Variants in GNAI3 observed in about 807,000 individuals in gnomAD.
The protein encoded by GNAI3 is G protein subunit alpha i3, also known as guanine nucleotide-binding protein G(i) subunit alpha-3.
In GNAI3, 12 loss-of-function variants were observed where a neutral mutation model predicts 41.8. That is an observed-to-expected ratio of 0.29 (90% CI 0.18 to 0.47). GNAI3 has a LOEUF of 0.47. GNAI3 is among the 20% of genes least tolerant of loss of function. The pLI is 1.00. For synonymous variants in GNAI3, 132 were observed against 146.5 expected (o/e 0.90, Z 0.71); for missense variants, 360 against 429.6 (o/e 0.84, Z 1.43).
At chr1:109,578,464 C>G (rs1223650454) in intron 3 of GNAI3, among the ~76,000 whole-genome samples, 1 of 119,992 alleles carries the variant, frequency 8.3e-6, no homozygotes, top group Admixed American at 9.1e-5. Flanking sequence ...GAGCGAAACT[C>G]CGTCTCAAAA....
At chr1:109,583,559 C>A (rs1648950351) in intron 5 of GNAI3, among the ~76,000 whole-genome samples, 1 of 151,618 alleles carries the variant, frequency 6.6e-6, no homozygotes, top group Non-Finnish European at 1.5e-5. Context: ...TATTCTAATA[C>A]AAATAACTTT....
intron 1 of GNAI3, among the ~76,000 whole-genome samples, chr1:109,555,234 A>G (rs910123822): frequency 6.6e-6 from 1 of 152,236 alleles, no homozygotes; most frequent in African/African-American, 2.4e-5. Context: ...AAGCAAGACT[A>G]AGCAAAAAGA....
In GNAI3 at chr1:109,557,899, T is replaced by C. The variant is rs548429773; in HGVS notation, c.118+9061T>C. 2.6e-5 allele frequency among the ~76,000 whole-genome samples: 4 copies of C among 152,224 alleles called. No individual in the cohort carries two copies. The South Asian group carries it at 8.3e-4, about 32-fold the overall frequency. Reference sequence around the variant, plus strand: ...TGACCCTTTCAAGGACTGGAGTAGGTCAAATTCTCTATTAAATGCATGGCC... The same window carrying C: ...TGACCCTTTCAAGGACTGGAGTAGGCCAAATTCTCTATTAAATGCATGGCC... On this transcript the variant is annotated intron_variant, in intron 1 of 8. Coordinates refer to ENST00000369851, the MANE Select transcript of GNAI3 (RefSeq NM_006496.4).
At position 109,567,371 on chromosome 1, in the gene GNAI3, G is replaced by T. The variant is rs187825096; in HGVS notation, c.119-6366G>T. The stretch of plus-strand genomic sequence containing the variant: ...CCCTGGAATAACTGCTATCTCAGGT[G>T]GTAGTGGTGCAGAGAGACCTGTGAG... On this transcript the variant is annotated intron_variant, in intron 1 of 8. Coordinates refer to ENST00000369851, the MANE Select transcript of GNAI3 (RefSeq NM_006496.4). Among the ~76,000 whole-genome samples, 4 of 152,334 alleles carry T rather than the reference G, an allele frequency of 2.6e-5. No homozygotes were observed. In the East Asian group the frequency reaches 7.7e-4, roughly 29 times the overall value.
Position 109,568,079 on chromosome 1 carries a change from TAGC to T in GNAI3, c.119-5655_119-5653del, listed in dbSNP as rs550059671. 5.7e-3 allele frequency among the ~76,000 whole-genome samples: 869 copies of T among 152,264 alleles called. 9 individuals carry two copies. The highest frequency in any genetic ancestry group is 0.02 in the African/African-American group (812 of 41,538). ...ATATGTGATAATGGTTTATTTGTTT[TAGC>T]AGTTCCAAATTCCAATCACTTGGGG... is the stretch of plus-strand genomic sequence containing the variant. On this transcript the variant is annotated intron_variant, in intron 1 of 8. Transcript: ENST00000369851.
In GNAI3 at chr1:109,548,620, A is replaced by C; in HGVS notation, c.-101A>C. ...TTCTGGGCGCTAAGGGAGCTGACGG[A>C]GAGGGCCACCGCCCAGCAATAGACG... On this transcript the variant is annotated 5_prime_UTR_variant, in exon 1 of 9. Coordinates refer to ENST00000369851, the MANE Select transcript of GNAI3 (RefSeq NM_006496.4). The C allele has an allele frequency of 1.3e-6, 1 of 744,386 alleles. No individual in the cohort carries two copies. The highest frequency in any genetic ancestry group is 2.3e-6 in the Non-Finnish European group (1 of 435,520). 46.1% of individuals were successfully genotyped at this position (744,386 alleles called of 1,614,324 possible).
At position 109,595,880 on chromosome 1, in the gene GNAI3, G is replaced by A. The variant is rs1048045858; in HGVS notation, c.*3558G>A. 6.0e-5 allele frequency: 9 copies of A among 150,862 alleles called. No individual in the cohort carries two copies. Among genetic ancestry groups the A allele is most frequent in the East Asian group, 5.8e-4 (3 of 5,152 alleles). The allele number at this position is 150,862 out of a possible 1,614,324, so 9.3% of individuals were successfully genotyped here. On this transcript the variant is annotated 3_prime_UTR_variant, in exon 9 of 9. Transcript: ENST00000369851. ...CTACTCATTTGTATAAACCTAAAAC[G>A]TCACTGTTTTCCTTGAGCGTTAGTA...
rs759955097 is a variant in GNAI3, at chr1:109,582,497, T to C, written c.522T>C (p.Val174=). ...QSNYIPTQQD[V]LRTRVKTTGI... ...ACTACATTCCAACTCAGCAAGATGT[T>C]CTTCGGACGAGAGTGAAGACCACAG... Residue 174 remains valine (V), a synonymous_variant, in exon 5 of 9, where the codon GTT becomes GTC. Transcript: ENST00000369851. The C allele has an allele frequency of 1.3e-6, 2 of 1,598,380 alleles. No individual in the cohort carries two copies. The highest frequency in any genetic ancestry group is 3.3e-5 in the Admixed American group (2 of 59,990).
chr1:109,571,283 T>G (rs1181379797), intron 1 of GNAI3, among the ~76,000 whole-genome samples: 1 of 152,156 alleles, frequency 6.6e-6, no homozygotes, highest in Non-Finnish European at 1.5e-5. Context: ...TAATATCAGG[T>G]AGATGGTTTA....
intron 7 of GNAI3, among the ~76,000 whole-genome samples, chr1:109,590,218 G>A (rs1649134381): frequency 6.6e-6 from 1 of 152,158 alleles, no homozygotes; most frequent in South Asian, 2.1e-4. Flanking sequence ...TTTATAGAAA[G>A]CAACCAAGTT....
rs562549157 is a variant in GNAI3 at position 109,596,444 on chromosome 1, C to T, written c.*4122C>T. The T allele has an allele frequency of 2.0e-5, 3 of 152,446 alleles. No individual in the cohort carries two copies. Among genetic ancestry groups the T allele is most frequent in the African/African-American group, 7.2e-5 (3 of 41,566 alleles). 9.4% of individuals were successfully genotyped at this position (152,446 alleles called of 1,614,324 possible). A position where few individuals can be genotyped will look rare whatever the true frequency, so the allele number is the denominator to read the frequency against. Reference sequence around the variant, plus strand: ...TCTCTGCTCACTGCAACCTTTGCCTCTTAGGTTCAAGCGATTCTTGTGCCT... The same window carrying T: ...TCTCTGCTCACTGCAACCTTTGCCTTTTAGGTTCAAGCGATTCTTGTGCCT... On this transcript the variant is annotated 3_prime_UTR_variant, in exon 9 of 9. Transcript: ENST00000369851.
intron 3 of GNAI3, 43 bp from the exon 4 acceptor site, chr1:109,579,161 G>A (rs1222816667): frequency 1.3e-6 from 2 of 1,523,106 alleles, no homozygotes; most frequent in Non-Finnish European, 1.8e-6. Flanking sequence ...AAGTCTTAAA[G>A]AAATGGAGAG....
chr1:109,551,589 G>A (rs1647983221), intron 1 of GNAI3, among the ~76,000 whole-genome samples: 1 of 152,096 alleles, frequency 6.6e-6, no homozygotes, highest in Non-Finnish European at 1.5e-5. Flanking sequence ...ATTTCTCTTG[G>A]CCTCAGTTTT....
At position 109,573,820 on chromosome 1, in the gene GNAI3, C is replaced by T. The variant is rs376757391; in HGVS notation, c.161+41C>T. ...GCGTTTTGTTAGACTAGGATTTCTC[C>T]TAATGCATATAAAGTCCATAGTATC... is the stretch of plus-strand genomic sequence containing the variant. On this transcript the variant is annotated intron_variant, in intron 2 of 8. Transcript: ENST00000369851. The T allele has an allele frequency of 2.0e-5, 32 of 1,591,076 alleles. No homozygotes were observed. The African/African-American group carries it at 4.3e-4, about 21-fold the overall frequency.
intron 1 of GNAI3, among the ~76,000 whole-genome samples, chr1:109,556,603 C>G (rs1397906366): frequency 6.6e-6 from 1 of 152,084 alleles, no homozygotes; most frequent in Non-Finnish European, 1.5e-5. Flanking sequence ...TGCTACTTAC[C>G]TCAAGTCAGT....
In GNAI3 at chr1:109,598,841, A is replaced by C; in HGVS notation, c.*6519A>C. On this transcript the variant is annotated 3_prime_UTR_variant, in exon 9 of 9. Transcript: ENST00000369851. ...GCAGGACCACCAGAGGCTCTGTCAC[A>C]CTTGCAGTCCCTGGCCCAACACCGA... 1 of 529,984 alleles carries C rather than the reference A, an allele frequency of 1.9e-6. No homozygotes were observed. The highest frequency in any genetic ancestry group is 1.4e-5 in the South Asian group (1 of 71,438). The allele number at this position is 529,984 out of a possible 1,614,324, so 32.8% of individuals were successfully genotyped here. A position where few individuals can be genotyped will look rare whatever the true frequency, so the allele number is the denominator to read the frequency against.
intron 3 of GNAI3, among the ~76,000 whole-genome samples, chr1:109,574,453 A>G (rs1557907864): frequency 1.3e-5 from 2 of 152,186 alleles, no homozygotes; most frequent in South Asian, 2.1e-4. Flanking sequence ...CTGTAAGGAC[A>G]TGAGCACTAA....
At chr1:109,588,298 CATGAACCCGGG>C (rs1384484648) in intron 7 of GNAI3, among the ~76,000 whole-genome samples, 3 of 151,276 alleles carry the variant, frequency 2.0e-5, no homozygotes, top group African/African-American at 7.3e-5. Flanking sequence ...AGGAGAATGG[CATGAACCCGGG>C]AGGCAGAGCT....
intron 3 of GNAI3, 30 bp downstream of exon 3, chr1:109,574,067 C>A (rs371288699): frequency 1.2e-5 from 19 of 1,567,186 alleles, no homozygotes; most frequent in Non-Finnish European, 1.6e-5. Context: ...TCTTCACTTG[C>A]TCTTATTCAG....
Sources: gnomAD v4.1 joint callset for allele counts (sites outside exome capture counted in the v4.1 genomes callset) on GRCh38, gnomAD v4.1.1 for gene constraint, MANE v1.5 for transcripts, NCBI Gene and HGNC (gene_info 2026-07-23, HGNC 2026-07-21) for gene names.